The following ZNF330 variants were observed in gnomAD, a reference collection of about 807,000 sequenced individuals.
The protein encoded by ZNF330 is nucleolar atypical zinc finger.
In ZNF330, 31 loss-of-function variants were observed where a neutral mutation model predicts 45.5. That is an observed-to-expected ratio of 0.68 (90% confidence interval 0.51 to 0.92). The LOEUF is 0.92. Among genes scored for constraint, ZNF330 ranks in the 40% least tolerant of loss-of-function variants. The pLI is 0.00. For synonymous variants in ZNF330, 138 were observed against 123.2 expected, an observed-to-expected ratio of 1.12 and a Z score of -0.79; for missense variants, 356 against 387.4, an observed-to-expected ratio of 0.92 and a Z score of 0.68.
rs904418005 is a variant in ZNF330, at chr4:141,222,303, T to C, written c.-6-63T>C. On this transcript the variant is annotated intron_variant, in intron 1 of 9. Transcript: ENST00000262990. ...GACACTTTGTTATACTATTTCTTAGTTTATTAAAATAGTAAATGCAGTCAG... is the reference window on the plus strand; with the variant it reads ...GACACTTTGTTATACTATTTCTTAGCTTATTAAAATAGTAAATGCAGTCAG... The C allele has an allele frequency of 1.9e-6, 3 of 1,553,092 alleles. No homozygotes were observed. In the African/African-American group the frequency reaches 4.2e-5, roughly 22 times the overall value.
intron 9 of ZNF330, 103 bp from the exon 10 acceptor site, chr4:141,233,612 G>T: frequency 6.9e-7 from 1 of 1,444,210 alleles, no homozygotes; most frequent in Non-Finnish European, 9.1e-7. Flanking sequence ...TTTTTCATTT[G>T]GGATTGAAGC....
chr4:141,232,053 C>T (rs1728973783), intron 8 of ZNF330, among the ~76,000 whole-genome samples: 1 of 152,026 alleles, frequency 6.6e-6, no homozygotes, highest in African/African-American at 2.4e-5. Flanking sequence ...CCCTATTGCC[C>T]TCCCATTCTT....
At chr4:141,224,306 A>C (rs1261946430) in intron 2 of ZNF330, among the ~76,000 whole-genome samples, 181 bp from the exon 3 acceptor site, 1 of 151,968 alleles carries the variant, frequency 6.6e-6, no homozygotes, top group African/African-American at 2.4e-5. Context: ...CCGGAGTATC[A>C]CTCTCGCATA....
In ZNF330 at chr4:141,231,497, C is replaced by T. The variant is rs116528082; in HGVS notation, c.570+12C>T. On this transcript the variant is annotated intron_variant, in intron 8 of 9. Transcript: ENST00000262990. The stretch of plus-strand genomic sequence containing the variant: ...GTCTCCGTTGTAAGGTATACCAATG[C>T]GTTTTTTTCTTTTTAGATTTTGTTT... 5,055 of 1,577,188 alleles carry T rather than the reference C, an allele frequency of 3.2e-3. 138 individuals are homozygous for T. The African/African-American group carries it at 0.06, about 19-fold the overall frequency.
chr4:141,231,548 C>A (rs1199510947), intron 8 of ZNF330, 63 bp downstream of exon 8: 7 of 1,238,584 alleles, frequency 5.7e-6, no homozygotes, highest in Non-Finnish European at 7.9e-6. Flanking sequence ...CTCCACCAGT[C>A]CTTGGCTTAT....
chr4:141,228,238 C>T (rs1416425953), intron 5 of ZNF330, among the ~76,000 whole-genome samples: 1 of 152,030 alleles, frequency 6.6e-6, no homozygotes, highest in Non-Finnish European at 1.5e-5. Flanking sequence ...TTCAGTCTTC[C>T]TTGGTAGCTT....
rs1222529271 is a variant in ZNF330 at position 141,234,130 on chromosome 4, G to A, written c.*141G>A. 1 of 1,388,868 alleles carries A rather than the reference G, an allele frequency of 7.2e-7. No homozygotes were observed. The highest frequency in any genetic ancestry group is 1.5e-5 in the African/African-American group (1 of 68,684). The allele number at this position is 1,388,868 out of a possible 1,614,324, so 86.0% of individuals were successfully genotyped here. Reference sequence around the variant, plus strand: ...TTACACTTAATGGGCCAAGCAATAGGGTGTAGCGTTTTTATAGAACTGATA... The same window carrying A: ...TTACACTTAATGGGCCAAGCAATAGAGTGTAGCGTTTTTATAGAACTGATA... On this transcript the variant is annotated 3_prime_UTR_variant, in exon 10 of 10. Coordinates refer to ENST00000262990, the MANE Select transcript of ZNF330 (RefSeq NM_014487.6).
chr4:141,226,814 G>A lies in ZNF330; in HGVS notation c.259G>A (p.Ala87Thr), dbSNP rs1172108916. Residue 87 changes from alanine (A) to threonine (T), a missense_variant, in exon 5 of 10, where the codon GCT becomes ACT. Coordinates refer to ENST00000262990, the MANE Select transcript of ZNF330 (RefSeq NM_014487.6). ...GTCTTCAGACTGTGTCATAAAGCAT[G>A]CTGGTGTATACAGTACTGGCCTTGC... The part of the protein sequence containing the change: ...MKSSDCVIKH[A>T]GVYSTGLAMV... The A allele has an allele frequency of 6.2e-7, 1 of 1,613,120 alleles. No homozygotes were observed. Among genetic ancestry groups the A allele is most frequent in the Non-Finnish European group, 8.5e-7 (1 of 1,179,380 alleles).
chr4:141,231,031 C>T (rs1033047171), intron 7 of ZNF330, among the ~76,000 whole-genome samples: 1 of 152,010 alleles, frequency 6.6e-6, no homozygotes, highest in African/African-American at 2.4e-5. Flanking sequence ...GGTTCTTGTT[C>T]TGGTATGAAA....
In ZNF330 at chr4:141,232,295, G is replaced by T. The variant is rs115477845; in HGVS notation, c.571-230G>T. Among the ~76,000 whole-genome samples the T allele has an allele frequency of 1.7e-3, 262 of 152,194 alleles. 2 individuals are homozygous for T. The highest frequency in any genetic ancestry group is 6.2e-3 in the African/African-American group (256 of 41,550). On this transcript the variant is annotated intron_variant, in intron 8 of 9. Coordinates refer to ENST00000262990, the MANE Select transcript of ZNF330 (RefSeq NM_014487.6). ...CTGAAATATTTGTGAACAGCTAAATGTACTTACATGTCATACTCAATATAG... is the reference window on the plus strand; with the variant it reads ...CTGAAATATTTGTGAACAGCTAAATTTACTTACATGTCATACTCAATATAG...
rs781091235 is a variant in ZNF330, at chr4:141,234,199, G to A, written c.*210G>A. 1.4e-5 allele frequency: 13 copies of A among 933,744 alleles called. No homozygotes were observed. The highest frequency in any genetic ancestry group is 1.7e-5 in the Non-Finnish European group (12 of 696,034). 57.8% of individuals were successfully genotyped at this position (933,744 alleles called of 1,614,324 possible). On this transcript the variant is annotated 3_prime_UTR_variant, in exon 10 of 10. Transcript: ENST00000262990. ...GAAAAATGAGTTTCAAATTTAAGAT[G>A]TTTATTGATCGAAGCAATTGAAGTA...
chr4:141,222,583 T>A, intron 2 of ZNF330, 92 bp downstream of exon 2: 1 of 1,372,836 alleles, frequency 7.3e-7, no homozygotes, highest in Non-Finnish European at 9.9e-7. Flanking sequence ...GTGAAGACAG[T>A]GTTTTTGCAT....
At chr4:141,229,815 GT>G (rs1728906819) in intron 6 of ZNF330, 118 bp downstream of exon 6, 5 of 1,297,196 alleles carry the variant, frequency 3.9e-6, no homozygotes, top group Non-Finnish European at 5.4e-6. Flanking sequence ...TACTGGTACT[GT>G]TTTGATTATC....
intron 4 of ZNF330, among the ~76,000 whole-genome samples, chr4:141,225,565 G>A (rs1354369420): frequency 6.6e-6 from 1 of 151,180 alleles, no homozygotes; most frequent in African/African-American, 2.4e-5. Flanking sequence ...AGAACAATTT[G>A]GGGTATGCTC....
chr4:141,228,332 A>G (rs1011280772), intron 5 of ZNF330, among the ~76,000 whole-genome samples: 1 of 152,090 alleles, frequency 6.6e-6, no homozygotes, highest in Non-Finnish European at 1.5e-5. Flanking sequence ...ATTTAAGTAG[A>G]GTCATATATC....
intron 4 of ZNF330, among the ~76,000 whole-genome samples, chr4:141,226,331 A>G (rs180697248): frequency 1.3e-5 from 2 of 152,280 alleles, no homozygotes; most frequent in African/African-American, 4.8e-5. Flanking sequence ...TTGAGGTATT[A>G]TTCTGTGGAA....
At chr4:141,221,913 G>T (rs888070736) in intron 1 of ZNF330, among the ~76,000 whole-genome samples, 10 of 152,116 alleles carry the variant, frequency 6.6e-5, no homozygotes, top group African/African-American at 2.4e-4. Context: ...AATTAAACTT[G>T]TTATACTTAA....
chr4:141,226,003 G>A (rs1436601336), intron 4 of ZNF330, among the ~76,000 whole-genome samples: 6 of 151,958 alleles, frequency 3.9e-5, no homozygotes, highest in African/African-American at 7.2e-5. Flanking sequence ...TCAAGATAAC[G>A]GAAAATTGTT....
chr4:141,225,531 GAGATAATA>G (rs1420535437), intron 4 of ZNF330, among the ~76,000 whole-genome samples: 3 of 136,074 alleles, frequency 2.2e-5, no homozygotes, highest in Admixed American at 7.3e-5. Context: ...TTTTATTTAT[GAGATAATA>G]ATAATAATTT....
Sources: allele counts gnomAD v4.1 joint callset (sites outside exome capture counted in the v4.1 genomes callset), GRCh38; gene constraint gnomAD v4.1.1; transcripts MANE v1.5; gene names NCBI Gene and HGNC (gene_info 2026-07-23, HGNC 2026-07-21).